Variants in CEP104 observed in about 807,000 individuals in gnomAD.
CEP104 encodes the protein centrosomal protein 104.
Under a neutral mutation model 113.3 loss-of-function variants are expected in CEP104, and 84 were observed. That is an observed-to-expected ratio of 0.74 (90% CI 0.62 to 0.89). The LOEUF (loss-of-function observed/expected upper bound fraction) is 0.89. Among genes scored for constraint, CEP104 ranks in the 40% least tolerant of loss-of-function variants. CEP104 has a pLI of 0.00. For synonymous variants in CEP104, 378 were observed against 421.7 expected (o/e 0.90, Z 1.27); for missense variants, 1,053 against 1,156.6 (o/e 0.91, Z 1.30).
chr1:3,834,817 C>T (rs1644278529), intron 11 of CEP104, 108 bp downstream of exon 11: 2 of 974,164 alleles, frequency 2.1e-6, no homozygotes, highest in Admixed American at 5.3e-5. Flanking sequence ...CAGTTGGTGA[C>T]CACGTCAATG....
chr1:3,840,913 T>C (rs1057375664), intron 6 of CEP104, among the ~76,000 whole-genome samples: 1 of 152,238 alleles, frequency 6.6e-6, no homozygotes, highest in African/African-American at 2.4e-5. Flanking sequence ...AAGGGTTAAG[T>C]TGTATGGTGT....
intron 20 of CEP104, among the ~76,000 whole-genome samples, chr1:3,822,454 G>A (rs1643995969): frequency 6.6e-6 from 1 of 152,236 alleles, no homozygotes; most frequent in Non-Finnish European, 1.5e-5. Flanking sequence ...CACACTGCAG[G>A]TGGCAGGAGC....
intron 2 of CEP104, among the ~76,000 whole-genome samples, chr1:3,850,238 C>G (rs1291321897): frequency 6.6e-6 from 1 of 152,208 alleles, no homozygotes; most frequent in Non-Finnish European, 1.5e-5. Flanking sequence ...GATTTAGCTA[C>G]TCAAATGTAG....
At position 3,838,946 on chromosome 1, in the gene CEP104, C is replaced by G; in HGVS notation, c.891+18G>C. On this transcript the variant is annotated intron_variant, in intron 8 of 21. Transcript: ENST00000378230. ...TCTCCTAGGCTTTCCTCCACTCCGTCTGGGCTCCTGCACCCACCAGCTCGG... is the reference window on the plus strand; with the variant it reads ...TCTCCTAGGCTTTCCTCCACTCCGTGTGGGCTCCTGCACCCACCAGCTCGG... The G allele has an allele frequency of 6.2e-7, 1 of 1,613,698 alleles. No individual in the cohort carries two copies. The highest frequency in any genetic ancestry group is 8.5e-7 in the Non-Finnish European group (1 of 1,179,852).
At chr1:3,837,596 A>ATGGGACTTTCCT in intron 8 of CEP104, 77 bp from the exon 9 acceptor site, 2 of 1,265,864 alleles carry the variant, frequency 1.6e-6, no homozygotes, top group Non-Finnish European at 2.2e-6. Context: ...CTTCAGATGA[A>ATGGGACTTTCCT]TAAGACTTTA....
At position 3,813,231 on chromosome 1, in the gene CEP104, T is replaced by C. The variant is rs1643822942; in HGVS notation, c.*2171A>G. 1 of 150,070 alleles carries C rather than the reference T, an allele frequency of 6.7e-6. No homozygotes were observed. The highest frequency in any genetic ancestry group is 6.6e-5 in the Admixed American group (1 of 15,046). 9.3% of individuals were successfully genotyped at this position (150,070 alleles called of 1,614,324 possible). A position where few individuals can be genotyped will look rare whatever the true frequency, so the allele number is the denominator to read the frequency against. ...TATACTCTGTTTTGTCTAATAAACT[T>C]TAAAGTTATTTCTCTCCTTATACTT... On this transcript the variant is annotated 3_prime_UTR_variant, in exon 22 of 22. Coordinates refer to ENST00000378230, the MANE Select transcript of CEP104 (RefSeq NM_014704.4).
intron 7 of CEP104, 59 bp downstream of exon 7, chr1:3,839,549 A>C: frequency 2.1e-6 from 3 of 1,435,830 alleles, no homozygotes; most frequent in Non-Finnish European, 2.9e-6. Context: ...AGTTATTCTA[A>C]GTATACATAA....
At chr1:3,835,663 G>A (rs964430865) in intron 10 of CEP104, among the ~76,000 whole-genome samples, 1 of 152,120 alleles carries the variant, frequency 6.6e-6, no homozygotes, top group South Asian at 2.1e-4. Context: ...GAGCCACTGC[G>A]CCTGGCCAAC....
chr1:3,815,849 G>A (rs2799187), intron 21 of CEP104, among the ~76,000 whole-genome samples: 7 of 152,144 alleles, frequency 4.6e-5, no homozygotes, highest in Non-Finnish European at 7.4e-5. Flanking sequence ...CACTGTGCCC[G>A]GCCAATTTTT....
At position 3,825,749 on chromosome 1, in the gene CEP104, T is replaced by C. The variant is rs1644077756; in HGVS notation, c.2364+9A>G. On this transcript the variant is annotated intron_variant, in intron 18 of 21. Transcript: ENST00000378230. The stretch of plus-strand genomic sequence containing the variant: ...TGCAAGTAGCTGGCTGCTGTGCCGC[T>C]GGCCTGACCTGTTTGCAGTGGTCAC... 1 of 1,587,578 alleles carries C rather than the reference T, an allele frequency of 6.3e-7. No homozygotes were observed. Among genetic ancestry groups the C allele is most frequent in the African/African-American group, 1.3e-5 (1 of 74,492 alleles).
chr1:3,841,546 ACAT>A (rs1307483334), intron 6 of CEP104, among the ~76,000 whole-genome samples: 1 of 152,238 alleles, frequency 6.6e-6, no homozygotes, highest in Non-Finnish European at 1.5e-5. Context: ...TTCAAAGTGA[ACAT>A]CATGTCCTGT....
chr1:3,823,319 C>T lies in CEP104; in HGVS notation c.2504-78G>A. 1 of 1,606,072 alleles carries T rather than the reference C, an allele frequency of 6.2e-7. No individual in the cohort carries two copies. The highest frequency in any genetic ancestry group is 1.1e-5 in the South Asian group (1 of 90,910). On this transcript the variant is annotated intron_variant, in intron 19 of 21. Coordinates refer to ENST00000378230, the MANE Select transcript of CEP104 (RefSeq NM_014704.4). This position sits in a 1 kb window ranked among gnomAD's most constrained non-coding sequence, Gnocchi z 4.1. The stretch of plus-strand genomic sequence containing the variant: ...CATGCTGCTGGCCTGCCCGCAGGTG[C>T]CCTTTAATTCACCAAGCCCTTGCAC...
At chr1:3,843,995 C>T (rs1570834186) in intron 6 of CEP104, among the ~76,000 whole-genome samples, 1 of 151,508 alleles carries the variant, frequency 6.6e-6, no homozygotes, top group African/African-American at 2.4e-5. Flanking sequence ...CTCCTGACCT[C>T]GTGATCCACC....
chr1:3,823,447 T>C lies in CEP104; in HGVS notation c.2480A>G (p.His827Arg), dbSNP rs1311415693. 6.2e-7 allele frequency: 1 copy of C among 1,614,262 alleles called. No individual in the cohort carries two copies. Residue 827 changes from histidine to arginine, a missense_variant, in exon 19 of 22, where the codon CAC becomes CGC. By Grantham distance (29) the His-to-Arg change is conservative. Transcript: ENST00000378230. The surrounding 1 kb of genome is among the most constrained non-coding windows in gnomAD (Gnocchi z 4.1). Reference protein sequence around the residue: ...EAVFKEELPRHIKHKDCNPAK... With the variant: ...EAVFKEELPRRIKHKDCNPAK... ...ACGGTTGCAATCCTTGTGTTTTATGTGTCTGGGCAGCTCTTCCTTGAAAAC... is the reference window on the plus strand; with the variant it reads ...ACGGTTGCAATCCTTGTGTTTTATGCGTCTGGGCAGCTCTTCCTTGAAAAC...
intron 6 of CEP104, among the ~76,000 whole-genome samples, chr1:3,841,970 G>A (rs1012181782): frequency 1.3e-5 from 2 of 152,230 alleles, no homozygotes; most frequent in African/African-American, 2.4e-5. Flanking sequence ...CACTCTCAGC[G>A]CTCCTTCCCC....
chr1:3,831,518 A>T (rs185766658), intron 12 of CEP104, among the ~76,000 whole-genome samples: 109 of 152,354 alleles, frequency 7.2e-4, no homozygotes, highest in Admixed American at 1.6e-3. Context: ...TTCTGTTCTC[A>T]GTATTCTCAG....
intron 12 of CEP104, among the ~76,000 whole-genome samples, chr1:3,831,940 T>G (rs745578475): frequency 6.6e-6 from 1 of 152,184 alleles, no homozygotes; most frequent in Non-Finnish European, 1.5e-5. Flanking sequence ...AAGAGCATTC[T>G]CCAGGGAAGT....
At chr1:3,816,587 T>G in intron 20 of CEP104, 1 of 490,360 alleles carries the variant, frequency 2.0e-6, no homozygotes, top group Non-Finnish European at 3.6e-6. Context: ...CAAGAAGTCC[T>G]GTCACCAGGC....
chr1:3,823,370 C>T lies in CEP104; in HGVS notation c.2503+54G>A. ...AGGCTCAAGAGCAGTGGCACTTCCTCCAAGAGGACCCCTGGTGACCCGAGG... is the reference window on the plus strand; with the variant it reads ...AGGCTCAAGAGCAGTGGCACTTCCTTCAAGAGGACCCCTGGTGACCCGAGG... On this transcript the variant is annotated intron_variant, in intron 19 of 21. Coordinates refer to ENST00000378230, the MANE Select transcript of CEP104 (RefSeq NM_014704.4). This position sits in a 1 kb window ranked among gnomAD's most constrained non-coding sequence, Gnocchi z 4.1. The T allele has an allele frequency of 6.2e-7, 1 of 1,613,806 alleles. No homozygotes were observed. Among genetic ancestry groups the T allele is most frequent in the Non-Finnish European group, 8.5e-7 (1 of 1,179,738 alleles).
Sources: gnomAD v4.1 joint callset for allele counts (sites outside exome capture counted in the v4.1 genomes callset) on GRCh38, gnomAD v4.1.1 for gene constraint, Gnocchi (gnomAD v3.1) non-coding constraint, MANE v1.5 for transcripts, NCBI Gene and HGNC (gene_info 2026-07-23, HGNC 2026-07-21) for gene names.